GRIA2: variants seen among roughly 807,000 people sequenced by gnomAD.
The protein encoded by GRIA2 is glutamate ionotropic receptor AMPA type subunit 2.
In GRIA2, 14 loss-of-function variants were observed where a neutral mutation model predicts 97.3. The observed-to-expected ratio is 0.14, with a 90% confidence interval of 0.10 to 0.23. The LOEUF is 0.23. GRIA2 is among the 10% of genes least tolerant of loss of function. GRIA2 has a pLI of 1.00. For missense variants in GRIA2, 558 were observed against 1,069.8 expected (o/e 0.52, Z 6.67); for synonymous variants, 412 against 387.8 (o/e 1.06, Z -0.73).
intron 2 of GRIA2, among the ~76,000 whole-genome samples, chr4:157,247,070 T>G (rs1401761316): frequency 1.3e-5 from 2 of 152,166 alleles, no homozygotes; most frequent in Non-Finnish European, 2.9e-5. Context: ...ATGACAGTCT[T>G]GGGACTAAAG....
intron 2 of GRIA2, among the ~76,000 whole-genome samples, chr4:157,224,137 T>C (rs757273296): frequency 6.6e-6 from 1 of 152,198 alleles, no homozygotes; most frequent in Non-Finnish European, 1.5e-5. Context: ...AATAATCAAG[T>C]CTTCATTTGC....
At chr4:157,236,943 T>G (rs780811555) in intron 2 of GRIA2, among the ~76,000 whole-genome samples, 1 of 152,166 alleles carries the variant, frequency 6.6e-6, no homozygotes, top group Non-Finnish European at 1.5e-5. Context: ...TTTTAACCTG[T>G]TTATCGCTTT....
rs543228096 is a variant in GRIA2 at position 157,296,848 on chromosome 4, G to A, written c.230-6704G>A. 8.5e-5 allele frequency among the ~76,000 whole-genome samples: 13 copies of A among 152,218 alleles called. 1 individual carries two copies. In the South Asian group the frequency reaches 1.9e-3, roughly 22 times the overall value. The stretch of plus-strand genomic sequence containing the variant: ...GCCAAGTACTTGACAGGCATTCATA[G>A]GTAAATGGCACTTCATTCTCTCCTT... On this transcript the variant is annotated intron_variant, in intron 2 of 15. Transcript: ENST00000264426.
At chr4:157,325,869 A>G (rs1040217991) in intron 6 of GRIA2, among the ~76,000 whole-genome samples, 2 of 152,092 alleles carry the variant, frequency 1.3e-5, no homozygotes, top group Non-Finnish European at 2.9e-5. Flanking sequence ...TCTAAAATTG[A>G]TTTCCCTCCG....
chr4:157,226,182 A>C (rs938005048), intron 2 of GRIA2, among the ~76,000 whole-genome samples: 1 of 152,062 alleles, frequency 6.6e-6, no homozygotes, highest in African/African-American at 2.4e-5. Context: ...AAATTATAAA[A>C]ATATTAAATT....
At chr4:157,244,688 A>G (rs1730652098) in intron 2 of GRIA2, among the ~76,000 whole-genome samples, 1 of 152,058 alleles carries the variant, frequency 6.6e-6, no homozygotes, top group Admixed American at 6.6e-5. Context: ...CAGAACCTTT[A>G]AAGTTTGTCT....
At chr4:157,310,609 A>G (rs184976147) in intron 3 of GRIA2, among the ~76,000 whole-genome samples, 132 of 152,110 alleles carry the variant, frequency 8.7e-4, no homozygotes, top group African/African-American at 3.1e-3. Context: ...TTTATTTGGA[A>G]AAAATGATTT....
At chr4:157,359,544 G>A (rs1327408057) in intron 12 of GRIA2, among the ~76,000 whole-genome samples, 2 of 152,062 alleles carry the variant, frequency 1.3e-5, no homozygotes, top group Non-Finnish European at 2.9e-5. Flanking sequence ...TAGGATTTGG[G>A]CAGCAAAGAT....
At chr4:157,301,685 T>C (rs1192820917) in intron 2 of GRIA2, among the ~76,000 whole-genome samples, 5 of 152,220 alleles carry the variant, frequency 3.3e-5, no homozygotes. Context: ...CTATTTTTTC[T>C]ACAGACCATC....
intron 9 of GRIA2, 91 bp downstream of exon 9, chr4:157,334,211 C>A (rs1239643485): frequency 7.0e-6 from 5 of 718,164 alleles, no homozygotes; most frequent in Non-Finnish European, 1.0e-5. Context: ...AGAATAATAT[C>A]TGTTTTGCTT....
intron 2 of GRIA2, among the ~76,000 whole-genome samples, chr4:157,291,748 T>C (rs1408080176): frequency 1.3e-5 from 2 of 151,894 alleles, no homozygotes; most frequent in Non-Finnish European, 2.9e-5. Flanking sequence ...AGTAGAAAGT[T>C]CCAAAAGTGA....
At chr4:157,317,615 A>T in intron 4 of GRIA2, 43 bp from the exon 5 acceptor site, 1 of 748,842 alleles carries the variant, frequency 1.3e-6, no homozygotes, top group Non-Finnish European at 2.3e-6. Flanking sequence ...TTACACTTGC[A>T]TTATTTGTAT....
chr4:157,268,448 A>T (rs1170824072), intron 2 of GRIA2, among the ~76,000 whole-genome samples: 1 of 152,042 alleles, frequency 6.6e-6, no homozygotes, highest in Non-Finnish European at 1.5e-5. Flanking sequence ...TCTTATAGTG[A>T]AAAATAATAG....
intron 12 of GRIA2, among the ~76,000 whole-genome samples, chr4:157,350,924 G>GT (rs1439815044): frequency 2.3e-5 from 3 of 133,172 alleles, no homozygotes; most frequent in Non-Finnish European, 4.8e-5. Flanking sequence ...TTTTACATTA[G>GT]TTTTTTCTTT....
At chr4:157,303,037 G>A (rs746218738) in intron 2 of GRIA2, among the ~76,000 whole-genome samples, 13 of 152,152 alleles carry the variant, frequency 8.5e-5, no homozygotes, top group Non-Finnish European at 1.8e-4. Context: ...GTGGGGACAT[G>A]CGTCTGTATT....
intron 2 of GRIA2, among the ~76,000 whole-genome samples, chr4:157,240,731 T>C (rs1730469537): frequency 6.6e-6 from 1 of 152,114 alleles, no homozygotes; most frequent in Non-Finnish European, 1.5e-5. Context: ...TTTTATACTT[T>C]ACATTTTAGG....
At chr4:157,273,542 G>T (rs983368287) in intron 2 of GRIA2, among the ~76,000 whole-genome samples, 1 of 151,800 alleles carries the variant, frequency 6.6e-6, no homozygotes, top group Non-Finnish European at 1.5e-5. Context: ...TTCTAAGAAA[G>T]AATAAAAAAG....
intron 3 of GRIA2, among the ~76,000 whole-genome samples, chr4:157,306,058 C>G (rs1278091933): frequency 1.3e-5 from 2 of 151,984 alleles, no homozygotes; most frequent in South Asian, 2.1e-4. Context: ...ATTTTAAGTT[C>G]AAGGTGATTT....
At chr4:157,278,167 TA>T (rs988219608) in intron 2 of GRIA2, among the ~76,000 whole-genome samples, 1 of 151,596 alleles carries the variant, frequency 6.6e-6, no homozygotes, top group Admixed American at 6.6e-5. Flanking sequence ...GCCAACACAA[TA>T]TTAAAGAAGA....
Sources: allele counts gnomAD v4.1 joint callset (sites outside exome capture counted in the v4.1 genomes callset), GRCh38; gene constraint gnomAD v4.1.1; transcripts MANE v1.5; gene names NCBI Gene and HGNC (gene_info 2026-07-23, HGNC 2026-07-21).